Variants in HPSE2 observed in about 807,000 individuals in gnomAD.
HPSE2 encodes the protein inactive heparanase-2.
HPSE2 carries 38 observed loss-of-function variants against 60.5 expected under a neutral mutation model. The ratio of observed to expected loss-of-function variants is 0.63; its 90% CI spans 0.48 to 0.82. The LOEUF (loss-of-function observed/expected upper bound fraction) is 0.82. Ranked by LOEUF, HPSE2 falls within the 40% of genes least tolerant of loss-of-function variation. HPSE2 has a pLI of 0.00. For synonymous variants in HPSE2, 295 were observed against 293.2 expected, an observed-to-expected ratio of 1.01 and a Z score of -0.06; for missense variants, 713 against 740.4, an observed-to-expected ratio of 0.96 and a Z score of 0.43.
At position 98,576,027 on chromosome 10, in the gene HPSE2, G is replaced by C. The variant is rs147921331; in HGVS notation, c.1320+38877C>G. On this transcript the variant is annotated intron_variant, in intron 9 of 11. Transcript: ENST00000370552. ...CACTATTTAGCTAAAAATTGAAATT[G>C]ATTCTTTTGTTTCTGAGTAGAATGA... Among the ~76,000 whole-genome samples, 32 of 152,060 alleles carry C rather than the reference G, an allele frequency of 2.1e-4. 1 individual carries two copies. Among genetic ancestry groups the C allele is most frequent in the African/African-American group, 7.7e-4 (32 of 41,500 alleles).
intron 3 of HPSE2, among the ~76,000 whole-genome samples, chr10:99,081,156 C>T (rs184040566): frequency 1.3e-5 from 2 of 152,240 alleles, no homozygotes; most frequent in East Asian, 1.9e-4. Flanking sequence ...GTGCAAACAT[C>T]CGAAGGTAAA....
At chr10:99,238,226 A>G (rs1849902750), upstream of HPSE2, among the ~76,000 whole-genome samples, 1 of 152,180 alleles carries the variant, frequency 6.6e-6, no homozygotes, top group African/African-American at 2.4e-5. Flanking sequence ...GTTAATTGGG[A>G]CCAATGGAAG....
intron 11 of HPSE2, among the ~76,000 whole-genome samples, chr10:98,474,583 G>A (rs61242382): frequency 1.3e-5 from 2 of 152,144 alleles, no homozygotes; most frequent in South Asian, 4.2e-4. Flanking sequence ...TTTTAATGAG[G>A]GTGAAATGAA....
chr10:98,667,164 G>GT (rs972200912), intron 6 of HPSE2, among the ~76,000 whole-genome samples: 19 of 152,140 alleles, frequency 1.2e-4, no homozygotes, highest in African/African-American at 4.6e-4. Flanking sequence ...TGTACACAAA[G>GT]TAGACAATCT....
chr10:98,825,431 T>A lies in HPSE2; in HGVS notation c.611-81375A>T, dbSNP rs770602213. On this transcript the variant is annotated intron_variant, in intron 3 of 11. Coordinates refer to ENST00000370552, the MANE Select transcript of HPSE2 (RefSeq NM_021828.5). ...TTGCTCTTCCTCGAGCAAGGCTAGC[T>A]CTTTCCTGTCATTCAGATTTCACCT... is the stretch of plus-strand genomic sequence containing the variant. Among the ~76,000 whole-genome samples, 69 of 152,212 alleles carry A rather than the reference T, an allele frequency of 4.5e-4. 1 individual carries two copies. The highest frequency in any genetic ancestry group is 1.6e-4 in the Non-Finnish European group (11 of 68,036).
intron 9 of HPSE2, among the ~76,000 whole-genome samples, chr10:98,605,257 G>T (rs1338109609): frequency 6.6e-6 from 1 of 152,016 alleles, no homozygotes; most frequent in Non-Finnish European, 1.5e-5. Flanking sequence ...TAGGCTCTGG[G>T]GATAATGAGT....
At chr10:99,218,789 T>C (rs985536555) in intron 2 of HPSE2, among the ~76,000 whole-genome samples, 1 of 152,220 alleles carries the variant, frequency 6.6e-6, no homozygotes, top group African/African-American at 2.4e-5. Context: ...GTTTCACCTA[T>C]GGATTTTAAC....
At chr10:98,902,369 T>C (rs1953690517) in intron 3 of HPSE2, among the ~76,000 whole-genome samples, 1 of 152,212 alleles carries the variant, frequency 6.6e-6, no homozygotes, top group African/African-American at 2.4e-5. Flanking sequence ...AAAGTCCTAC[T>C]TCATTTAAAT....
chr10:98,926,674 G>C (rs1954473669), intron 3 of HPSE2, among the ~76,000 whole-genome samples: 1 of 152,022 alleles, frequency 6.6e-6, no homozygotes, highest in South Asian at 2.1e-4. Flanking sequence ...ATAAGCATGA[G>C]ACATACTTTT....
intron 3 of HPSE2, among the ~76,000 whole-genome samples, chr10:98,812,423 A>T (rs1448957497): frequency 6.6e-6 from 1 of 152,152 alleles, no homozygotes; most frequent in Non-Finnish European, 1.5e-5. Context: ...TTAAAAATAC[A>T]GATTTCTGAG....
Position 98,874,167 on chromosome 10 carries a change from C to G in HPSE2, c.611-130111G>C, listed in dbSNP as rs545984235. Among the ~76,000 whole-genome samples the G allele has an allele frequency of 3.8e-3, 508 of 134,332 alleles. 6 individuals carry two copies. The highest frequency in any genetic ancestry group is 0.015 in the Middle Eastern group (4 of 270). The allele number at this position is 134,332 out of a possible 152,430, so 88.1% of individuals were successfully genotyped here. On this transcript the variant is annotated intron_variant, in intron 3 of 11. Transcript: ENST00000370552. The stretch of plus-strand genomic sequence containing the variant: ...CCATTCTGTATGTTGTGTGTTCACT[C>G]TGATGTTTTTTTTTTTTCTGCTGTG...
intron 3 of HPSE2, among the ~76,000 whole-genome samples, chr10:98,992,304 T>C (rs1956544053): frequency 6.6e-6 from 1 of 152,224 alleles, no homozygotes; most frequent in South Asian, 2.1e-4. Flanking sequence ...GTTGTTTTTT[T>C]TCATAGTAAC....
At chr10:98,988,076 A>G (rs1228765833) in intron 3 of HPSE2, among the ~76,000 whole-genome samples, 2 of 152,252 alleles carry the variant, frequency 1.3e-5, no homozygotes, top group African/African-American at 4.8e-5. Flanking sequence ...TGCCCAAGGT[A>G]ATTTATAGAT....
At chr10:98,651,683 T>C (rs1240435032) in intron 6 of HPSE2, among the ~76,000 whole-genome samples, 2 of 152,190 alleles carry the variant, frequency 1.3e-5, no homozygotes, top group Non-Finnish European at 2.9e-5. Context: ...AGGAAAGATT[T>C]GGTTTGAACA....
chr10:98,604,054 G>A (rs561583542), intron 9 of HPSE2, among the ~76,000 whole-genome samples: 1 of 152,170 alleles, frequency 6.6e-6, no homozygotes, highest in East Asian at 1.9e-4. Context: ...ATTACTAAAG[G>A]CTTATTTACA....
At chr10:99,228,620 G>A (rs909974101) in intron 2 of HPSE2, among the ~76,000 whole-genome samples, 1 of 152,100 alleles carries the variant, frequency 6.6e-6, no homozygotes. Context: ...AGATTCCTTG[G>A]GTATAAAGAA....
intron 4 of HPSE2, among the ~76,000 whole-genome samples, chr10:98,741,254 A>G (rs1312835858): frequency 6.6e-6 from 1 of 151,878 alleles, no homozygotes; most frequent in Non-Finnish European, 1.5e-5. Flanking sequence ...TTCTTTTCCT[A>G]TCTATATTCC....
intron 3 of HPSE2, among the ~76,000 whole-genome samples, chr10:98,805,802 T>A (rs949731816): frequency 6.6e-6 from 1 of 152,178 alleles, no homozygotes; most frequent in Non-Finnish European, 1.5e-5. Context: ...CAGTGGCAAA[T>A]GCAAGATTTC....
intron 9 of HPSE2, among the ~76,000 whole-genome samples, chr10:98,602,175 C>T (rs1037792034): frequency 6.6e-6 from 1 of 152,054 alleles, no homozygotes; most frequent in African/African-American, 2.4e-5. Context: ...TGGAAGCAAA[C>T]AGTGATAGGA....
Sources: gnomAD v4.1 joint callset for allele counts (sites outside exome capture counted in the v4.1 genomes callset) on GRCh38, gnomAD v4.1.1 for gene constraint, MANE v1.5 for transcripts, NCBI Gene and HGNC (gene_info 2026-07-23, HGNC 2026-07-21) for gene names.